The following USP36 variants were observed in gnomAD, a reference collection of about 807,000 sequenced individuals.
The protein encoded by USP36 is ubiquitin carboxyl-terminal hydrolase 36.
Under a neutral mutation model 111.5 loss-of-function variants are expected in USP36, and 59 were observed. That is an observed-to-expected ratio of 0.53 (90% confidence interval 0.43 to 0.66). The LOEUF is 0.66. Among genes scored for constraint, USP36 ranks in the 30% least tolerant of loss-of-function variants. The probability of loss-of-function intolerance (pLI) is 0.00; values close to 1 mark genes in which losing one functional copy is unlikely to be tolerated. For missense variants in USP36, 1,488 were observed against 1,468.0 expected (o/e 1.01, Z -0.22); for synonymous variants, 628 against 581.0 (o/e 1.08, Z -1.16).
At chr17:78,831,253 AGGGACAACAT>A (rs1567967538) in intron 4 of USP36, among the ~76,000 whole-genome samples, 2 of 65,156 alleles carry the variant, frequency 3.1e-5, no homozygotes, top group Non-Finnish European at 5.6e-5. Flanking sequence ...AAAAAAAAAA[AGGGACAACAT>A]AAATATTGAA....
chr17:78,838,391 AAAC>A (rs1403306880), intron 2 of USP36, among the ~76,000 whole-genome samples, 193 bp downstream of exon 2: 5 of 151,556 alleles, frequency 3.3e-5, no homozygotes, highest in East Asian at 1.9e-4. Context: ...AAAAAACAAA[AAAC>A]AAAAAACTTC....
At chr17:78,811,847 G>A (rs997748326) in intron 13 of USP36, among the ~76,000 whole-genome samples, 2 of 151,626 alleles carry the variant, frequency 1.3e-5, no homozygotes, top group African/African-American at 4.9e-5. Flanking sequence ...CAGCCTGGGC[G>A]ACAGAATGAG....
intron 13 of USP36, among the ~76,000 whole-genome samples, chr17:78,811,668 G>A (rs1160777363): frequency 6.6e-6 from 1 of 151,968 alleles, no homozygotes; most frequent in African/African-American, 2.4e-5. Context: ...AGCAGATAGA[G>A]ACCATCCTGG....
At chr17:78,820,247 G>A (rs1465270200) in intron 8 of USP36, among the ~76,000 whole-genome samples, 1 of 152,214 alleles carries the variant, frequency 6.6e-6, no homozygotes, top group Non-Finnish European at 1.5e-5. Context: ...GGCCGGGGCA[G>A]GAGGATCATT....
chr17:78,820,301 C>T (rs899009742), intron 8 of USP36, among the ~76,000 whole-genome samples: 2 of 152,132 alleles, frequency 1.3e-5, no homozygotes, highest in Non-Finnish European at 2.9e-5. Flanking sequence ...TAGCAAGACC[C>T]CTGTCTCTGC....
chr17:78,821,412 ATATATATATTTTT>A (rs1430935511), intron 7 of USP36: 2 of 63,818 alleles, frequency 3.1e-5, no homozygotes, highest in Non-Finnish European at 5.4e-5. Context: ...ATATATATAT[ATATATATATTTTT>A]TTTTTTTTTT....
intron 3 of USP36, among the ~76,000 whole-genome samples, chr17:78,789,197 CAAAAAAAAAA>C (rs869247026): frequency 2.4e-4 from 16 of 65,878 alleles, no homozygotes; most frequent in Non-Finnish European, 3.7e-4. Context: ...AACTTGGTCC[CAAAAAAAAAA>C]AAAAAAAAAA....
chr17:78,833,893 T>G (rs1192254079), intron 4 of USP36, among the ~76,000 whole-genome samples: 1 of 152,172 alleles, frequency 6.6e-6, no homozygotes, highest in Non-Finnish European at 1.5e-5. Flanking sequence ...CTGGGAAAGA[T>G]TCTCTCCTCC....
chr17:78,799,601 A>G (rs553303799), intron 18 of USP36, 66 bp downstream of exon 18: 382 of 1,467,806 alleles, frequency 2.6e-4, no homozygotes, highest in Non-Finnish European at 3.2e-4. Flanking sequence ...GATCCATTCC[A>G]CACCCTTCCC....
chr17:78,790,028 G>A (rs997723005), intron 3 of USP36, among the ~76,000 whole-genome samples: 1 of 152,192 alleles, frequency 6.6e-6, no homozygotes, highest in African/African-American at 2.4e-5. Flanking sequence ...CGGGTGGCTG[G>A]TAAGTGCTAG....
At chr17:78,818,378 T>A (rs2145342637) in intron 10 of USP36, among the ~76,000 whole-genome samples, 1 of 152,262 alleles carries the variant, frequency 6.6e-6, no homozygotes, top group Middle Eastern at 3.4e-3. Context: ...AAATGCAGAT[T>A]CCTGGGCCCT....
Position 78,802,507 on chromosome 17 carries a change from C to G in USP36, c.2839G>C (p.Glu947Gln). The G allele has an allele frequency of 6.2e-7, 1 of 1,607,726 alleles. No individual in the cohort carries two copies. The highest frequency in any genetic ancestry group is 8.5e-7 in the Non-Finnish European group (1 of 1,179,884). Residue 947 changes from glutamate to glutamine, a missense_variant, in exon 17 of 21, where the codon GAG becomes CAG. Around this residue, in one of 3 missense-constraint regions of USP36, gnomAD observed 1,073 missense variants for 994.1 expected, o/e 1.08. Transcript: ENST00000449938. ...SCSPMGDGDP[E>Q]AMEESPRKKK... Reference sequence around the variant, plus strand: ...TTCCTTGGAGACTCTTCCATGGCCTCTGGATCACCATCACCCATGGGAGAG... The same window carrying G: ...TTCCTTGGAGACTCTTCCATGGCCTGTGGATCACCATCACCCATGGGAGAG...
At chr17:78,813,720 T>C (rs1162121347) in intron 12 of USP36, 53 bp downstream of exon 12, 19 of 1,532,132 alleles carry the variant, frequency 1.2e-5, no homozygotes, top group Admixed American at 9.0e-5. Flanking sequence ...CCCACCGGTA[T>C]AAGAAAAGAG....
intron 6 of USP36, among the ~76,000 whole-genome samples, chr17:78,822,311 C>T (rs1246685481): frequency 1.3e-5 from 2 of 152,172 alleles, no homozygotes; most frequent in East Asian, 1.9e-4. Flanking sequence ...TGTATCCTCA[C>T]CCAGTGTTGC....
intron 6 of USP36, chr17:78,823,164 A>G: frequency 2.5e-6 from 1 of 398,760 alleles, no homozygotes; most frequent in Non-Finnish European, 4.4e-6. Flanking sequence ...GGACCAATAC[A>G]GGATCATTCA....
chr17:78,804,690 A>AT (rs34810096), intron 15 of USP36, among the ~76,000 whole-genome samples: 77 of 143,876 alleles, frequency 5.4e-4, no homozygotes, highest in Admixed American at 2.0e-3. Context: ...CAAAAAAAAA[A>AT]TTTTTTTTTT....
At chr17:78,794,369 TAC>T (rs2093606293), downstream of USP36, among the ~76,000 whole-genome samples, 1 of 152,162 alleles carries the variant, frequency 6.6e-6, no homozygotes, top group East Asian at 1.9e-4. Context: ...GCACCTGACT[TAC>T]AGTTAGCCAG....
rs10582083 is a variant in USP36, at chr17:78,815,838, T to TAC, written c.1024-1288_1024-1287dup. 1.1e-3 allele frequency among the ~76,000 whole-genome samples: 145 copies of TAC among 137,642 alleles called. 1 individual carries two copies. Among genetic ancestry groups the TAC allele is most frequent in the Admixed American group, 8.1e-3 (118 of 14,652 alleles). The allele number at this position is 137,642 out of a possible 152,430, so 90.3% of individuals were successfully genotyped here. On this transcript the variant is annotated intron_variant, in intron 10 of 20. Coordinates refer to ENST00000449938, the MANE Select transcript of USP36 (RefSeq NM_001385174.1). ...ATACACACATGCACACATATATACA[T>TAC]ACACACACACATATGCATGCATACA...
intron 2 of USP36, among the ~76,000 whole-genome samples, chr17:78,838,371 C>CAAAAAAAAAAAAAA (rs1195525371): frequency 6.8e-5 from 4 of 58,522 alleles, no homozygotes; most frequent in African/African-American, 2.3e-4. Context: ...GACTTGGTCT[C>CAAAAAAAAAAAAAA]AAAAAAAAAA....
Sources: gnomAD v4.1 joint callset for allele counts (sites outside exome capture counted in the v4.1 genomes callset) on GRCh38, gnomAD v4.1.1 for gene constraint, gnomAD v4.1.1 regional missense constraint, MANE v1.5 for transcripts, NCBI Gene and HGNC (gene_info 2026-07-23, HGNC 2026-07-21) for gene names.